Variants in LAMP2 observed in about 807,000 individuals in gnomAD.
LAMP2 encodes lysosome-associated membrane glycoprotein 2.
A neutral mutation model predicts 25.6 loss-of-function variants in LAMP2; 4 were observed. The ratio of observed to expected loss-of-function variants is 0.16; its 90% CI spans 0.08 to 0.36. The LOEUF (loss-of-function observed/expected upper bound fraction) is 0.36, where lower values mean the gene tolerates loss of function less well. Among genes scored for constraint, LAMP2 ranks in the 10% least tolerant of loss-of-function variants. The probability of loss-of-function intolerance (pLI) is 1.00; values close to 1 mark genes in which losing one functional copy is unlikely to be tolerated. For missense variants in LAMP2, 272 were observed against 301.4 expected (o/e 0.90, Z 0.72); for synonymous variants, 108 against 112.7 (o/e 0.96, Z 0.27).
chrX:120,466,575 C>T lies in LAMP2; in HGVS notation c.64+2531G>A, dbSNP rs781327778. On this transcript the variant is annotated intron_variant, in intron 1 of 8. Coordinates refer to ENST00000200639, the MANE Select transcript of LAMP2 (RefSeq NM_002294.3). ...AGAAGTGCTACAGAAGAGTTTCCTG[C>T]GCGCTGTGAACAGTTGGACTACATC... 6.1e-4 allele frequency among the ~76,000 whole-genome samples: 68 copies of T among 111,807 alleles called. 1 individual carries two copies. The highest frequency in any genetic ancestry group is 1.1e-3 in the Non-Finnish European group (59 of 53,239).
chrX:120,466,840 CTTTTTTTTTT>C (rs916102893), intron 1 of LAMP2, among the ~76,000 whole-genome samples: 40 of 81,544 alleles, frequency 4.9e-4, no homozygotes, highest in Non-Finnish European at 7.7e-4. Flanking sequence ...CAAATAACTT[CTTTTTTTTTT>C]TTTTTTTTTG....
intron 8 of LAMP2, chrX:120,436,803 C>A: frequency 1.4e-6 from 1 of 727,156 alleles, no homozygotes; most frequent in Non-Finnish European, 1.6e-6. Context: ...ATGTAAAATA[C>A]AAAAATATTC....
intron 3 of LAMP2, among the ~76,000 whole-genome samples, chrX:120,452,551 TTTTC>T (rs999376546): frequency 1.0e-5 from 1 of 99,544 alleles, no homozygotes. Flanking sequence ...TTTCTTTTTC[TTTTC>T]TTTTTTTTTT....
intron 3 of LAMP2, among the ~76,000 whole-genome samples, chrX:120,454,614 C>A (rs1246780619): frequency 9.2e-6 from 1 of 108,716 alleles, no homozygotes; most frequent in Non-Finnish European, 1.9e-5. Context: ...AATAAAGTAG[C>A]TATTAGTAAA....
chrX:120,458,723 A>T (rs1234384380), intron 1 of LAMP2, among the ~76,000 whole-genome samples: 4 of 111,674 alleles, frequency 3.6e-5, no homozygotes, highest in Non-Finnish European at 7.5e-5. Flanking sequence ...GCTAGCTCTA[A>T]ATGAAGAGTG....
chrX:120,429,069 T>G lies in LAMP2; in HGVS notation c.*2254A>C. 1 of 531,392 alleles carries G rather than the reference T, an allele frequency of 1.9e-6. No individual in the cohort carries two copies. The highest frequency in any genetic ancestry group is 2.3e-6 in the Non-Finnish European group (1 of 438,331). The allele number at this position is 531,392 out of a possible 1,213,427, so 43.8% of individuals were successfully genotyped here. A position where few individuals can be genotyped will look rare whatever the true frequency, so the allele number is the denominator to read the frequency against. On this transcript the variant is annotated 3_prime_UTR_variant, in exon 9 of 9. Coordinates refer to ENST00000200639, the MANE Select transcript of LAMP2 (RefSeq NM_002294.3). ...GACTTAGGATCAAGAATGTAGTATATATATACATATATATGTGTGTGTATA... is the reference window on the plus strand; with the variant it reads ...GACTTAGGATCAAGAATGTAGTATAGATATACATATATATGTGTGTGTATA...
rs397516742 is a variant in LAMP2 at position 120,455,421 on chromosome X, A to G, written c.333T>C (p.Ile111=). The change falls in exon 3 of 9, where the codon ATT becomes ATC. Residue 111 remains isoleucine (I), a synonymous_variant. Transcript: ENST00000200639. ...TGTTGTAGGAAAATGAGACGCTGTC[A>G]ATTGAATAAGTAGATGCTGCCTTGG... The part of the protein sequence containing the change: ...NFTKAASTYS[I]DSVSFSYNTG... 4 of 1,210,785 alleles carry G rather than the reference A, an allele frequency of 3.3e-6. No individual in the cohort carries two copies. The highest frequency in any genetic ancestry group is 3.4e-6 in the Non-Finnish European group (3 of 894,794).
Position 120,443,092 on chromosome X carries a change from G to A in LAMP2, c.865-430C>T, listed in dbSNP as rs767034491. On this transcript the variant is annotated intron_variant, in intron 6 of 8. Transcript: ENST00000200639. ...CCAGTCATTCTAATAATTTCAGAGT[G>A]CAAGTACTCCAGGAGCTACCAAAAT... Among the ~76,000 whole-genome samples the A allele has an allele frequency of 3.6e-5, 4 of 111,695 alleles. No individual in the cohort carries two copies. The South Asian group carries it at 1.5e-3, about 42-fold the overall frequency.
At chrX:120,469,040 T>C (rs1174718082) in intron 1 of LAMP2, 66 bp downstream of exon 1, 5 of 1,083,660 alleles carry the variant, frequency 4.6e-6, no homozygotes, top group Non-Finnish European at 6.4e-6. Context: ...GTCTTTCAGG[T>C]TGTAGCTTTG....
In LAMP2 at chrX:120,428,548, A is replaced by G; in HGVS notation, c.*2775T>C. 8.3e-7 allele frequency: 1 copy of G among 1,202,254 alleles called. No individual in the cohort carries two copies. The highest frequency in any genetic ancestry group is 1.1e-6 in the Non-Finnish European group (1 of 891,427). ...AATCATATAAGAGATAAAGACAACA[A>G]TTATAAGGAAGCCCAAGGCCACACC... On this transcript the variant is annotated 3_prime_UTR_variant, in exon 9 of 9. Coordinates refer to ENST00000200639, the MANE Select transcript of LAMP2 (RefSeq NM_002294.3).
At position 120,448,021 on chromosome X, in the gene LAMP2, G is replaced by C; in HGVS notation, c.561C>G (p.Phe187Leu). 1 of 1,209,674 alleles carries C rather than the reference G, an allele frequency of 8.3e-7. No individual in the cohort carries two copies. The highest frequency in any genetic ancestry group is 1.1e-6 in the Non-Finnish European group (1 of 894,020). ...VQNGTVSTNEFLCDKDKTSTV... is the reference protein window; with the variant it reads ...VQNGTVSTNELLCDKDKTSTV... ...TTGAAGTTTTGTCTTTATCACACAGGAACTCTAAAACAAGCGAAAAGGGAC... is the reference window on the plus strand; with the variant it reads ...TTGAAGTTTTGTCTTTATCACACAGCAACTCTAAAACAAGCGAAAAGGGAC... The change falls in exon 5 of 9, where the codon TTC becomes TTG. Residue 187 changes from phenylalanine (F) to leucine (L), a missense_variant. Transcript: ENST00000200639.
intron 1 of LAMP2, among the ~76,000 whole-genome samples, chrX:120,457,718 T>C (rs758087938): frequency 2.7e-5 from 3 of 112,539 alleles, no homozygotes; most frequent in Non-Finnish European, 3.8e-5. Flanking sequence ...CCAGCAAACA[T>C]GCCAGCAGCA....
Position 120,430,940 on chromosome X carries a change from T to C in LAMP2, c.*383A>G. The stretch of plus-strand genomic sequence containing the variant: ...CTTATACATTGAAACAGAACACCAG[T>C]AGTGAAATGACATTTATTAATTCCA... On this transcript the variant is annotated 3_prime_UTR_variant, in exon 9 of 9. Coordinates refer to ENST00000200639, the MANE Select transcript of LAMP2 (RefSeq NM_002294.3). 1 of 818,028 alleles carries C rather than the reference T, an allele frequency of 1.2e-6. No individual in the cohort carries two copies. Among genetic ancestry groups the C allele is most frequent in the Non-Finnish European group, 1.5e-6 (1 of 676,386 alleles). The allele number at this position is 818,028 out of a possible 1,213,427, so 67.4% of individuals were successfully genotyped here. A position where few individuals can be genotyped will look rare whatever the true frequency, so the allele number is the denominator to read the frequency against.
At chrX:120,448,103 A>C in intron 4 of LAMP2, 78 bp from the exon 5 acceptor site, 1 of 904,260 alleles carries the variant, frequency 1.1e-6, no homozygotes, top group Non-Finnish European at 1.6e-6. Context: ...AACCAAAAAA[A>C]ATTCTCATAA....
At chrX:120,447,451 G>C (rs1025234068) in intron 5 of LAMP2, among the ~76,000 whole-genome samples, 6 of 110,632 alleles carry the variant, frequency 5.4e-5, no homozygotes, top group African/African-American at 1.7e-4. Context: ...GCTCACGCCT[G>C]TAATCCCAGC....
chrX:120,451,736 G>T (rs2058622242), intron 3 of LAMP2, among the ~76,000 whole-genome samples: 1 of 111,656 alleles, frequency 9.0e-6, no homozygotes, highest in Admixed American at 9.6e-5. Flanking sequence ...AAAGTGCTGG[G>T]ATTACAGGTG....
chrX:120,431,194 T>C lies in LAMP2; in HGVS notation c.*129A>G. On this transcript the variant is annotated 3_prime_UTR_variant, in exon 9 of 9. Transcript: ENST00000200639. Reference sequence around the variant, plus strand: ...TTATTAATAAAGACTGATCTCAAAATGCTGGGATTGATAAAAGAATTAAAG... The same window carrying C: ...TTATTAATAAAGACTGATCTCAAAACGCTGGGATTGATAAAAGAATTAAAG... 1 of 1,175,490 alleles carries C rather than the reference T, an allele frequency of 8.5e-7. No individual in the cohort carries two copies. Among genetic ancestry groups the C allele is most frequent in the Non-Finnish European group, 1.1e-6 (1 of 875,331 alleles).
intron 3 of LAMP2, among the ~76,000 whole-genome samples, chrX:120,453,664 C>T (rs144871670): frequency 0.051 from 5,638 of 111,249 alleles, 377 homozygotes; most frequent in African/African-American, 0.17. Flanking sequence ...AAAGATTAGC[C>T]GGGCGTGGTG....
Position 120,428,351 on chromosome X carries a change from C to T in LAMP2, c.*2972G>A. 1 of 874,745 alleles carries T rather than the reference C, an allele frequency of 1.1e-6. No homozygotes were observed. Among genetic ancestry groups the T allele is most frequent in the Non-Finnish European group, 1.5e-6 (1 of 675,764 alleles). The allele number at this position is 874,745 out of a possible 1,213,427, so 72.1% of individuals were successfully genotyped here. A position where few individuals can be genotyped will look rare whatever the true frequency, so the allele number is the denominator to read the frequency against. On this transcript the variant is annotated 3_prime_UTR_variant, in exon 9 of 9. Transcript: ENST00000200639. ...TTGTCTTAAATAAGTGTACTCATGCCCAAGTTAGCTAGGAACTCACTGAAG... is the reference window on the plus strand; with the variant it reads ...TTGTCTTAAATAAGTGTACTCATGCTCAAGTTAGCTAGGAACTCACTGAAG...
Sources: allele counts gnomAD v4.1 joint callset (sites outside exome capture counted in the v4.1 genomes callset), GRCh38; gene constraint gnomAD v4.1.1; transcripts MANE v1.5; gene names NCBI Gene and HGNC (gene_info 2026-07-23, HGNC 2026-07-21).